EPS8: variants seen among roughly 807,000 people sequenced by gnomAD.
EPS8 encodes EGFR pathway substrate 8, signaling adaptor.
Under a neutral mutation model 103.8 loss-of-function variants are expected in EPS8, and 42 were observed. That is an observed-to-expected ratio of 0.40 (90% CI 0.32 to 0.52). EPS8 has a LOEUF of 0.52. Among genes scored for constraint, EPS8 ranks in the 20% least tolerant of loss-of-function variants. EPS8 has a pLI of 0.40. For synonymous variants in EPS8, 344 were observed against 344.6 expected, an observed-to-expected ratio of 1.00 and a Z score of 0.02; for missense variants, 969 against 1,005.1, an observed-to-expected ratio of 0.96 and a Z score of 0.49.
intron 3 of EPS8, among the ~76,000 whole-genome samples, chr12:15,680,843 T>C (rs1242056592): frequency 6.6e-6 from 1 of 152,092 alleles, no homozygotes. Flanking sequence ...CATACTGTAA[T>C]AATACCCCCC....
rs191160329 is a variant in EPS8, at chr12:15,646,619, T to A, written c.1568+508A>T. Among the ~76,000 whole-genome samples, 503 of 152,302 alleles carry A rather than the reference T, an allele frequency of 3.3e-3. 2 individuals are homozygous for A. Among genetic ancestry groups the A allele is most frequent in the African/African-American group, 0.012 (491 of 41,566 alleles). ...AAGATATAGAAAAATAAATGAAATG[T>A]AAAACTGGAAAGTCAAGATAAAAAG... is the stretch of plus-strand genomic sequence containing the variant. On this transcript the variant is annotated intron_variant, in intron 15 of 20. Coordinates refer to ENST00000281172, the MANE Select transcript of EPS8 (RefSeq NM_004447.6).
At chr12:15,763,605 A>G (rs1047682576) in intron 1 of EPS8, among the ~76,000 whole-genome samples, 2 of 152,236 alleles carry the variant, frequency 1.3e-5, no homozygotes, top group African/African-American at 2.4e-5. Flanking sequence ...AACTTTAAAC[A>G]GTATTTATAA....
chr12:15,768,258 T>C (rs1441329022), intron 1 of EPS8, among the ~76,000 whole-genome samples: 3 of 151,394 alleles, frequency 2.0e-5, no homozygotes, highest in Admixed American at 1.3e-4. Flanking sequence ...GCCGATATGG[T>C]GAAACCCTTT....
rs1181082934 is a variant in EPS8, at chr12:15,761,645, ACT to A, written c.-22+27514_-22+27515del. 1.3e-5 allele frequency among the ~76,000 whole-genome samples: 2 copies of A among 151,992 alleles called. No individual in the cohort carries two copies. The highest frequency in any genetic ancestry group is 3.9e-4 in the East Asian group (2 of 5,184). On this transcript the variant is annotated intron_variant, in intron 1 of 20. Coordinates refer to ENST00000281172, the MANE Select transcript of EPS8 (RefSeq NM_004447.6). The surrounding 1 kb of genome is among the most constrained non-coding windows in gnomAD (Gnocchi z 4.5). ...AAACAAATCCACACATCTACAGTCG[ACT>A]CATTTTCAACAAAGGTGCCAAGAAC...
chr12:15,661,990 A>G lies in EPS8; in HGVS notation c.810+36T>C, dbSNP rs752121286. 4 of 1,467,728 alleles carry G rather than the reference A, an allele frequency of 2.7e-6. No homozygotes were observed. In the African/African-American group the frequency reaches 5.6e-5, roughly 21 times the overall value. 90.9% of individuals were successfully genotyped at this position (1,467,728 alleles called of 1,614,324 possible). On this transcript the variant is annotated intron_variant, in intron 9 of 20. Coordinates refer to ENST00000281172, the MANE Select transcript of EPS8 (RefSeq NM_004447.6). ...GAAGTTTTCTTTTTCCTCTTAAAAG[A>G]AAAGCCAGTGATCTAAAGGCGACTC...
rs10637427 is a variant in EPS8, at chr12:15,780,481, A to AACACACACACACACACACACACACACAC, written c.-22+8652_-22+8679dup. The AACACACACACACACACACACACACACAC allele has an allele frequency of 8.5e-6, 1 of 117,474 alleles. No homozygotes were observed. Among genetic ancestry groups the AACACACACACACACACACACACACACAC allele is most frequent in the Admixed American group, 9.1e-5 (1 of 11,010 alleles). The allele number at this position is 117,474 out of a possible 1,614,324, so 7.3% of individuals were successfully genotyped here. On this transcript the variant is annotated intron_variant, in intron 1 of 20. Transcript: ENST00000281172. This position sits in a 1 kb window ranked among gnomAD's most constrained non-coding sequence, Gnocchi z 4.1. ...CTCCTTTCTGCTATGTGCTGGGATAAACACACACACACACACACACACACA... is the reference window on the plus strand; with the variant it reads ...CTCCTTTCTGCTATGTGCTGGGATAAACACACACACACACACACACACACACACACACACACACACACACACACACACA...
Position 15,785,517 on chromosome 12 carries a change from T to C in EPS8, c.-22+3644A>G, listed in dbSNP as rs1947302582. Among the ~76,000 whole-genome samples the C allele has an allele frequency of 6.6e-6, 1 of 152,138 alleles. No homozygotes were observed. The highest frequency in any genetic ancestry group is 2.1e-4 in the South Asian group (1 of 4,834). On this transcript the variant is annotated intron_variant, in intron 1 of 20. Coordinates refer to ENST00000281172, the MANE Select transcript of EPS8 (RefSeq NM_004447.6). This position sits in a 1 kb window ranked among gnomAD's most constrained non-coding sequence, Gnocchi z 4.9. Reference sequence around the variant, plus strand: ...ATGAATTAGCATTACAGATAAAATGTAAATTCATAGTTAAACATGGATACA... The same window carrying C: ...ATGAATTAGCATTACAGATAAAATGCAAATTCATAGTTAAACATGGATACA...
chr12:15,640,445 T>C lies in EPS8; in HGVS notation c.1821+258A>G, dbSNP rs73311016. On this transcript the variant is annotated intron_variant, in intron 17 of 20. Coordinates refer to ENST00000281172, the MANE Select transcript of EPS8 (RefSeq NM_004447.6). Reference sequence around the variant, plus strand: ...TTCAAATGTCAGAAATACTACAGATTGGGGAAAAAAAGCATTCAGAGAATC... The same window carrying C: ...TTCAAATGTCAGAAATACTACAGATCGGGGAAAAAAAGCATTCAGAGAATC... Among the ~76,000 whole-genome samples, 5,225 of 152,174 alleles carry C rather than the reference T, an allele frequency of 0.034. 293 individuals are homozygous for C. The highest frequency in any genetic ancestry group is 0.12 in the African/African-American group (4,871 of 41,506).
intron 15 of EPS8, among the ~76,000 whole-genome samples, chr12:15,642,478 T>C (rs1446345854): frequency 6.6e-6 from 1 of 152,056 alleles, no homozygotes; most frequent in Non-Finnish European, 1.5e-5. Context: ...AAATAAAACT[T>C]CCTTAAAAAA....
At position 15,623,108 on chromosome 12, in the gene EPS8, C is replaced by G. The variant is rs1565462790; in HGVS notation, c.2355+50G>C. ...CAATATGGACATAAATAGTTGTTTC[C>G]AGAGCTTTCAATTTGCAGAAAAACA... is the stretch of plus-strand genomic sequence containing the variant. On this transcript the variant is annotated intron_variant, in intron 20 of 20. Coordinates refer to ENST00000281172, the MANE Select transcript of EPS8 (RefSeq NM_004447.6). 4 of 1,554,652 alleles carry G rather than the reference C, an allele frequency of 2.6e-6. No individual in the cohort carries two copies. In the East Asian group the frequency reaches 6.9e-5, roughly 27 times the overall value.
At position 15,749,798 on chromosome 12, in the gene EPS8, ATTAG is replaced by A. The variant is rs531073225; in HGVS notation, c.-22+39359_-22+39362del. Among the ~76,000 whole-genome samples, 40 of 152,328 alleles carry A rather than the reference ATTAG, an allele frequency of 2.6e-4. No homozygotes were observed. In the East Asian group the frequency reaches 6.2e-3, roughly 23 times the overall value. On this transcript the variant is annotated intron_variant, in intron 1 of 20. Transcript: ENST00000281172. This position sits in a 1 kb window ranked among gnomAD's most constrained non-coding sequence, Gnocchi z 4.0. The stretch of plus-strand genomic sequence containing the variant: ...TCTTCTTTATTTTCTGTTTTCTAAC[ATTAG>A]TTAGGGAATATTAGTTGTGCTTCCA...
Position 15,771,973 on chromosome 12 carries a change from A to T in EPS8, c.-22+17188T>A, listed in dbSNP as rs147308265. On this transcript the variant is annotated intron_variant, in intron 1 of 20. Coordinates refer to ENST00000281172, the MANE Select transcript of EPS8 (RefSeq NM_004447.6). The surrounding 1 kb of genome is among the most constrained non-coding windows in gnomAD (Gnocchi z 4.6). ...CCCCGTCTCTACTAAAAATACAAAA[A>T]ATTAGCAGGGCATAGTGGCGGGCGC... 8.6e-3 allele frequency among the ~76,000 whole-genome samples: 1,303 copies of T among 152,142 alleles called. 15 individuals are homozygous for T. Among genetic ancestry groups the T allele is most frequent in the African/African-American group, 0.03 (1,232 of 41,486 alleles).
chr12:15,773,628 T>C (rs914216384), intron 1 of EPS8, among the ~76,000 whole-genome samples: 2 of 152,122 alleles, frequency 1.3e-5, no homozygotes, highest in African/African-American at 4.8e-5. Context: ...CAAGTACTTA[T>C]TAGAAAGAAT....
chr12:15,650,635 G>C (rs961383480), intron 14 of EPS8, among the ~76,000 whole-genome samples, 188 bp downstream of exon 14: 19 of 152,044 alleles, frequency 1.2e-4, no homozygotes, highest in Admixed American at 9.8e-4. Flanking sequence ...GCTTCACGGA[G>C]GAACAGAGCA....
intron 15 of EPS8, among the ~76,000 whole-genome samples, chr12:15,645,467 T>TA (rs1945304987): frequency 6.6e-6 from 1 of 152,150 alleles, no homozygotes; most frequent in South Asian, 2.1e-4. Context: ...TAACTTTCAA[T>TA]AATAATACCA....
At position 15,660,683 on chromosome 12, in the gene EPS8, CT is replaced by C; in HGVS notation, c.867del (p.Ala290GlnfsTer27). 6.2e-7 allele frequency: 1 copy of C among 1,612,116 alleles called. No individual in the cohort carries two copies. Among genetic ancestry groups the C allele is most frequent in the Non-Finnish European group, 8.5e-7 (1 of 1,178,540 alleles). On this transcript the variant is annotated frameshift_variant, in exon 10 of 21. Coordinates refer to ENST00000281172, the MANE Select transcript of EPS8 (RefSeq NM_004447.6). LOFTEE classifies it high-confidence loss of function. ...GAAAGCTCAGAAAATGCTTCTGCTG[CT>C]TTTTGGAGTTTTGTGATAAAAAATT... ...DIEFFITKLQ[K>X]AAEAFSELSK...
chr12:15,665,999 A>G (rs1945702609), intron 7 of EPS8, 107 bp from the exon 8 acceptor site: 9 of 1,103,524 alleles, frequency 8.2e-6, no homozygotes. Context: ...GAACTATGTC[A>G]AGGGACAATA....
chr12:15,665,475 C>T (rs1399815310), intron 8 of EPS8: 12 of 348,290 alleles, frequency 3.4e-5, no homozygotes, highest in South Asian at 1.1e-4. Flanking sequence ...GGATTATAGG[C>T]GCATGCCACC....
chr12:15,720,362 A>G (rs1454026998), intron 1 of EPS8, among the ~76,000 whole-genome samples: 1 of 152,102 alleles, frequency 6.6e-6, no homozygotes, highest in Non-Finnish European at 1.5e-5. Context: ...TATGTTGCCT[A>G]GGCTACACTT....
Sources: gnomAD v4.1 joint callset for allele counts (sites outside exome capture counted in the v4.1 genomes callset) on GRCh38, gnomAD v4.1.1 for gene constraint, Gnocchi (gnomAD v3.1) non-coding constraint, MANE v1.5 for transcripts, NCBI Gene and HGNC (gene_info 2026-07-23, HGNC 2026-07-21) for gene names.